TCF4: variants seen among roughly 807,000 people sequenced by gnomAD.
TCF4 encodes transcription factor 4.
A neutral mutation model predicts 82.1 loss-of-function variants in TCF4; 3 were observed. The observed-to-expected ratio is 0.04, with a 90% CI of 0.02 to 0.09. TCF4 has a LOEUF of 0.09. Ranked by LOEUF, TCF4 falls within the 10% of genes least tolerant of loss-of-function variation. TCF4 has a pLI of 1.00. For synonymous variants in TCF4, 276 were observed against 309.6 expected, an observed-to-expected ratio of 0.89 and a Z score of 1.14; for missense variants, 518 against 852.7, an observed-to-expected ratio of 0.61 and a Z score of 4.89.
At chr18:55,360,441 T>A (rs1053354106) in intron 6 of TCF4, among the ~76,000 whole-genome samples, 14 of 152,172 alleles carry the variant, frequency 9.2e-5, no homozygotes, top group African/African-American at 3.1e-4. Flanking sequence ...CAATTTGAAC[T>A]CTTCCAACAA....
At chr18:55,459,157 G>A (rs571184916) in intron 5 of TCF4, among the ~76,000 whole-genome samples, 1 of 152,266 alleles carries the variant, frequency 6.6e-6, no homozygotes, top group South Asian at 2.1e-4. Context: ...GGGAAGGAGG[G>A]CAGACAGGAT....
intron 3 of TCF4, among the ~76,000 whole-genome samples, chr18:55,559,150 C>CAA (rs748464132): frequency 2.5e-4 from 14 of 56,150 alleles, no homozygotes; most frequent in African/African-American, 6.6e-4. Context: ...TTCCCCAAAG[C>CAA]AAAAAAAAAA....
chr18:55,521,768 C>A (rs571788915), intron 3 of TCF4, among the ~76,000 whole-genome samples: 1 of 152,136 alleles, frequency 6.6e-6, no homozygotes, highest in African/African-American at 2.4e-5. Context: ...GCTTAAGACA[C>A]GAGTCCTCAG....
At chr18:55,341,498 CT>C (rs2079950668) in intron 8 of TCF4, among the ~76,000 whole-genome samples, 1 of 152,106 alleles carries the variant, frequency 6.6e-6, no homozygotes, top group Non-Finnish European at 1.5e-5. Context: ...TATTTTATAC[CT>C]GCTTTGTAGA....
chr18:55,263,550 G>C (rs546628286), intron 11 of TCF4, among the ~76,000 whole-genome samples: 5 of 152,024 alleles, frequency 3.3e-5, no homozygotes, highest in Non-Finnish European at 7.4e-5. Context: ...GCAGTGAGCC[G>C]AGATTGAGAT....
At chr18:55,321,551 C>T in intron 8 of TCF4, 1 of 1,392,056 alleles carries the variant, frequency 7.2e-7, no homozygotes, top group Admixed American at 2.0e-5. Context: ...TATTTCATGG[C>T]ACCCAGGAAG....
chr18:55,455,199 A>AAAAAG (rs1568084590), intron 5 of TCF4, among the ~76,000 whole-genome samples: 13 of 149,994 alleles, frequency 8.7e-5, no homozygotes, highest in African/African-American at 1.5e-4. Context: ...AAAAAAAAAA[A>AAAAAG]AAAAGAAAAG....
chr18:55,455,179 CAAAAAAAAA>C (rs35889370), intron 5 of TCF4, among the ~76,000 whole-genome samples: 4 of 67,470 alleles, frequency 5.9e-5, no homozygotes, highest in Non-Finnish European at 8.7e-5. Flanking sequence ...GACTCTGTCT[CAAAAAAAAA>C]AAAAAAAAAA....
chr18:55,346,148 A>G (rs1335998366), intron 8 of TCF4, among the ~76,000 whole-genome samples: 1 of 152,044 alleles, frequency 6.6e-6, no homozygotes, highest in African/African-American at 2.4e-5. Flanking sequence ...AGCATTACTC[A>G]TTTTTCTTGA....
chr18:55,390,926 T>A (rs2093029656), intron 6 of TCF4, among the ~76,000 whole-genome samples: 1 of 152,148 alleles, frequency 6.6e-6, no homozygotes, highest in Admixed American at 6.5e-5. Context: ...ACTTGCACCC[T>A]CAAAAAAGAC....
chr18:55,290,583 C>T (rs1054375561), intron 8 of TCF4, among the ~76,000 whole-genome samples: 2 of 152,134 alleles, frequency 1.3e-5, no homozygotes, highest in African/African-American at 2.4e-5. Context: ...AAGAAAAATG[C>T]TAACTACATT....
intron 8 of TCF4, chr18:55,321,904 G>C (rs561493215): frequency 7.1e-7 from 1 of 1,405,514 alleles, no homozygotes; most frequent in East Asian, 2.6e-5. Context: ...GGCGGGGGAG[G>C]CCGCGGCGCT....
chr18:55,624,471 T>C (rs1213082199), intron 2 of TCF4, among the ~76,000 whole-genome samples: 2 of 151,550 alleles, frequency 1.3e-5, no homozygotes, highest in Non-Finnish European at 2.9e-5. Flanking sequence ...TTAAAACATA[T>C]CACATATTAT....
At chr18:55,348,901 T>A (rs958606705) in intron 8 of TCF4, among the ~76,000 whole-genome samples, 1 of 152,166 alleles carries the variant, frequency 6.6e-6, no homozygotes, top group African/African-American at 2.4e-5. Context: ...CCATATTAAG[T>A]TCAGGCATGT....
At chr18:55,530,374 A>C (rs1366870162) in intron 3 of TCF4, among the ~76,000 whole-genome samples, 2 of 152,170 alleles carry the variant, frequency 1.3e-5, no homozygotes, top group Non-Finnish European at 2.9e-5. Context: ...ACGGGACACC[A>C]GGATGGGGTG....
rs2048176341 is a variant in TCF4, at chr18:55,232,496, T to C, written c.1649+13A>G. 1 of 1,610,818 alleles carries C rather than the reference T, an allele frequency of 6.2e-7. No individual in the cohort carries two copies. Among genetic ancestry groups the C allele is most frequent in the Non-Finnish European group, 8.5e-7 (1 of 1,176,914 alleles). On this transcript the variant is annotated intron_variant, in intron 17 of 19. Transcript: ENST00000354452. The stretch of plus-strand genomic sequence containing the variant: ...AAGGAATTAAATGAAGCGACAGTAT[T>C]ATATACTGTTACCTAGATCTTGACC...
chr18:55,511,292 T>G lies in TCF4; in HGVS notation c.146-47155A>C, dbSNP rs77470861. ...AAAATCCTAGTTTTATTTTTGGATTTGCAACTTAGATGTAGGTAATAGAGT... is the reference window on the plus strand; with the variant it reads ...AAAATCCTAGTTTTATTTTTGGATTGGCAACTTAGATGTAGGTAATAGAGT... On this transcript the variant is annotated intron_variant, in intron 3 of 19. Transcript: ENST00000354452. 9.4e-3 allele frequency among the ~76,000 whole-genome samples: 1,280 copies of G among 136,674 alleles called. 8 individuals are homozygous for G. Among genetic ancestry groups the G allele is most frequent in the Middle Eastern group, 0.014 (3 of 222 alleles). 89.7% of individuals were successfully genotyped at this position (136,674 alleles called of 152,430 possible).
chr18:55,338,510 A>G (rs574681111), intron 8 of TCF4, among the ~76,000 whole-genome samples: 143 of 152,378 alleles, frequency 9.4e-4, no homozygotes, highest in South Asian at 3.9e-3. Context: ...CCCTGCCAGC[A>G]TACAAAACAC....
intron 8 of TCF4, among the ~76,000 whole-genome samples, chr18:55,331,356 C>T (rs1252515605): frequency 1.3e-5 from 2 of 152,182 alleles, no homozygotes; most frequent in African/African-American, 4.8e-5. Context: ...AGTTCAGTGC[C>T]TTGTTAAATA....
Sources: gnomAD v4.1 joint callset for allele counts (sites outside exome capture counted in the v4.1 genomes callset) on GRCh38, gnomAD v4.1.1 for gene constraint, MANE v1.5 for transcripts, NCBI Gene and HGNC (gene_info 2026-07-23, HGNC 2026-07-21) for gene names.